Variants in AGO3 observed in about 807,000 individuals in gnomAD.
AGO3 encodes the protein argonaute RISC catalytic component 3, also known as protein argonaute-3.
AGO3 carries 16 observed loss-of-function variants against 105.5 expected under a neutral mutation model. That is an observed-to-expected ratio of 0.15 (90% CI 0.10 to 0.23). The LOEUF (loss-of-function observed/expected upper bound fraction) is 0.23, where lower values mean the gene tolerates loss of function less well. Ranked by LOEUF, AGO3 falls within the 10% of genes least tolerant of loss-of-function variation. AGO3 has a pLI of 1.00. For missense variants in AGO3, 534 were observed against 1,088.0 expected (o/e 0.49, Z 7.16); for synonymous variants, 340 against 367.3 (o/e 0.93, Z 0.85).
chr1:36,022,978 A>G (rs1641318836), intron 11 of AGO3, among the ~76,000 whole-genome samples: 2 of 152,026 alleles, frequency 1.3e-5, no homozygotes, highest in African/African-American at 4.8e-5. Context: ...GCATAGACAT[A>G]GAGCACAAAA....
chr1:35,992,921 A>G (rs942479276), intron 5 of AGO3, among the ~76,000 whole-genome samples: 3 of 152,130 alleles, frequency 2.0e-5, no homozygotes, highest in Non-Finnish European at 4.4e-5. Flanking sequence ...ATTGGTAACA[A>G]CTTAGTTCTG....
chr1:35,979,042 G>A (rs887712992), intron 5 of AGO3, among the ~76,000 whole-genome samples: 5 of 152,080 alleles, frequency 3.3e-5, no homozygotes, highest in African/African-American at 7.2e-5. Context: ...GATTTGTTGT[G>A]AATTTCTAGT....
intron 2 of AGO3, among the ~76,000 whole-genome samples, chr1:35,953,829 G>T (rs567295112): frequency 3.0e-4 from 45 of 152,062 alleles, no homozygotes; most frequent in African/African-American, 1.1e-3. Context: ...TTTAAATTGG[G>T]TCATTTGTCT....
intron 14 of AGO3, among the ~76,000 whole-genome samples, chr1:36,038,085 T>TA (rs1381851175): frequency 2.6e-5 from 4 of 152,066 alleles, no homozygotes; most frequent in Admixed American, 2.6e-4. Context: ...CCACATAGTA[T>TA]AATAGGTGTT....
intron 5 of AGO3, among the ~76,000 whole-genome samples, chr1:35,978,777 A>AT (rs1187666085): frequency 6.6e-6 from 1 of 152,118 alleles, no homozygotes; most frequent in East Asian, 1.9e-4. Flanking sequence ...TTTTCTATCT[A>AT]TTTTAGCTAG....
chr1:35,991,196 C>T (rs1168094654), intron 5 of AGO3, among the ~76,000 whole-genome samples: 3 of 151,952 alleles, frequency 2.0e-5, no homozygotes, highest in African/African-American at 4.8e-5. Context: ...CCCAGCTACT[C>T]GGGAGGCTGA....
At chr1:36,050,998 G>A (rs112915395) in intron 17 of AGO3, among the ~76,000 whole-genome samples, 1,868 of 152,014 alleles carry the variant, frequency 0.012, 44 homozygotes, top group African/African-American at 0.04. Context: ...GGCTAATTTT[G>A]ACATTTTTTG....
intron 1 of AGO3, among the ~76,000 whole-genome samples, chr1:35,933,292 A>G (rs929595981): frequency 6.6e-6 from 1 of 152,190 alleles, no homozygotes; most frequent in African/African-American, 2.4e-5. Context: ...TGAGACTTGT[A>G]TATAATTGGT....
intron 2 of AGO3, among the ~76,000 whole-genome samples, chr1:35,959,309 A>C (rs1366818435): frequency 1.3e-5 from 2 of 152,210 alleles, no homozygotes; most frequent in African/African-American, 2.4e-5. Context: ...GTACCCCTTT[A>C]GAAGATCTAA....
At chr1:35,935,530 A>G (rs952828135) in intron 1 of AGO3, among the ~76,000 whole-genome samples, 2 of 152,262 alleles carry the variant, frequency 1.3e-5, no homozygotes, top group Non-Finnish European at 2.9e-5. Context: ...GTAATTTAGA[A>G]TTAATTTGTA....
chr1:35,985,118 A>G (rs1647141608), intron 5 of AGO3, among the ~76,000 whole-genome samples: 1 of 151,986 alleles, frequency 6.6e-6, no homozygotes, highest in Admixed American at 6.6e-5. Context: ...CCTATTGCTA[A>G]AAAAAGACAA....
Position 35,980,094 on chromosome 1 carries a change from T to G in AGO3, c.658+6583T>G, listed in dbSNP as rs1294820472. On this transcript the variant is annotated intron_variant, in intron 5 of 18. Coordinates refer to ENST00000373191, the MANE Select transcript of AGO3 (RefSeq NM_024852.4). ...GATTTTTCCCCCCAGTGGTTATCTT[T>G]ATACTTATACCTTCATATGATACCT... Among the ~76,000 whole-genome samples the G allele has an allele frequency of 2.6e-5, 4 of 152,216 alleles. No homozygotes were observed. In the East Asian group the frequency reaches 7.7e-4, roughly 29 times the overall value.
intron 2 of AGO3, among the ~76,000 whole-genome samples, chr1:35,953,266 TA>T (rs1358239692): frequency 6.6e-6 from 1 of 150,460 alleles, no homozygotes; most frequent in Non-Finnish European, 1.5e-5. Flanking sequence ...TCATTTCTAC[TA>T]AAAAGAAAAA....
chr1:36,027,585 C>T lies in AGO3; in HGVS notation c.1591+287C>T, dbSNP rs1178646011. ...CTGAGGTCAGGAGTTCGAGACCAGC[C>T]TGGCCAATGTGGTGAAACCCCATCT... On this transcript the variant is annotated intron_variant, in intron 12 of 18. Transcript: ENST00000373191. The surrounding 1 kb of genome is among the most constrained non-coding windows in gnomAD (Gnocchi z 4.0). Among the ~76,000 whole-genome samples the T allele has an allele frequency of 6.6e-6, 1 of 151,896 alleles. No homozygotes were observed. Among genetic ancestry groups the T allele is most frequent in the Non-Finnish European group, 1.5e-5 (1 of 67,968 alleles).
Position 35,958,109 on chromosome 1 carries a change from G to A in AGO3, c.192-8846G>A, listed in dbSNP as rs78997623. 3.9e-5 allele frequency among the ~76,000 whole-genome samples: 6 copies of A among 151,976 alleles called. No homozygotes were observed. In the East Asian group the frequency reaches 5.8e-4, roughly 15 times the overall value. On this transcript the variant is annotated intron_variant, in intron 2 of 18. Coordinates refer to ENST00000373191, the MANE Select transcript of AGO3 (RefSeq NM_024852.4). The stretch of plus-strand genomic sequence containing the variant: ...TATTAAAAATTTGTCCTGGCCAGGC[G>A]TGGTGGCTCACGCCTGTAATCCCAG...
At position 35,962,875 on chromosome 1, in the gene AGO3, A is replaced by C. The variant is rs909555642; in HGVS notation, c.192-4080A>C. On this transcript the variant is annotated intron_variant, in intron 2 of 18. Transcript: ENST00000373191. ...ATTTCTTAATACCTCAAAAGCTTGA[A>C]GTCATAAGGTGAAATTTAATTTGAT... Among the ~76,000 whole-genome samples, 3 of 152,342 alleles carry C rather than the reference A, an allele frequency of 2.0e-5. No homozygotes were observed. The South Asian group carries it at 6.2e-4, about 32-fold the overall frequency.
intron 1 of AGO3, among the ~76,000 whole-genome samples, chr1:35,934,731 G>T (rs7554999): frequency 0.087 from 13,271 of 151,938 alleles, 2,026 homozygotes; most frequent in East Asian, 0.68. Flanking sequence ...GCTCACTGCA[G>T]CCTCTGCCTC....
In AGO3 at chr1:36,062,753, A is replaced by AAAC. The variant is rs200663181; in HGVS notation, c.*7023_*7025dup. ...TCTTCCAGAAAAGAAGACTAAAAGCAAACAACAACAACAACAAAAAATACC... is the reference window on the plus strand; with the variant it reads ...TCTTCCAGAAAAGAAGACTAAAAGCAAACAACAACAACAACAACAAAAAATACC... On this transcript the variant is annotated 3_prime_UTR_variant, in exon 19 of 19. Coordinates refer to ENST00000373191, the MANE Select transcript of AGO3 (RefSeq NM_024852.4). 3 of 152,130 alleles carry AAAC rather than the reference A, an allele frequency of 2.0e-5. No homozygotes were observed. The highest frequency in any genetic ancestry group is 4.1e-4 in the South Asian group (2 of 4,832). The allele number at this position is 152,130 out of a possible 1,614,324, so 9.4% of individuals were successfully genotyped here. A position where few individuals can be genotyped will look rare whatever the true frequency, so the allele number is the denominator to read the frequency against.
At chr1:36,035,806 G>A (rs985103391) in intron 13 of AGO3, among the ~76,000 whole-genome samples, 5 of 152,186 alleles carry the variant, frequency 3.3e-5, no homozygotes, top group Non-Finnish European at 7.3e-5. Context: ...GCCAAGGCAG[G>A]TGGATCACAG....
Sources: gnomAD v4.1 joint callset for allele counts (sites outside exome capture counted in the v4.1 genomes callset) on GRCh38, gnomAD v4.1.1 for gene constraint, Gnocchi (gnomAD v3.1) non-coding constraint, MANE v1.5 for transcripts, NCBI Gene and HGNC (gene_info 2026-07-23, HGNC 2026-07-21) for gene names.